PKN2: variants seen among roughly 807,000 people sequenced by gnomAD.
PKN2 encodes the protein protein kinase N2.
PKN2 carries 38 observed loss-of-function variants against 119.1 expected under a neutral mutation model. The ratio of observed to expected loss-of-function variants is 0.32; its 90% CI spans 0.25 to 0.42. PKN2 has a LOEUF of 0.42. Among genes scored for constraint, PKN2 ranks in the 10% least tolerant of loss-of-function variants. PKN2 has a pLI of 1.00. For missense variants in PKN2, 850 were observed against 1,165.1 expected (o/e 0.73, Z 3.94); for synonymous variants, 390 against 384.9 (o/e 1.01, Z -0.15).
intron 1 of PKN2, among the ~76,000 whole-genome samples, chr1:88,737,267 C>G (rs534803173): frequency 2.6e-5 from 4 of 152,074 alleles, no homozygotes; most frequent in African/African-American, 9.7e-5. Flanking sequence ...AGTGATGTAC[C>G]CCTGAGTCTA....
intron 1 of PKN2, among the ~76,000 whole-genome samples, chr1:88,688,000 C>A (rs1194492310): frequency 6.6e-6 from 1 of 152,100 alleles, no homozygotes; most frequent in Non-Finnish European, 1.5e-5. Context: ...GATCAGGAAA[C>A]AAGTTCAAGA....
rs201865794 is a variant in PKN2, at chr1:88,784,709, A to C, written c.1056A>C (p.Thr352=). ...LENVPGRSKA[T]SVALPGWSPS... ...ATGTCCCTGGACGGTCAAAAGCAACATCAGTTGCACTGCCTGGTTGGAGTC... is the reference window on the plus strand; with the variant it reads ...ATGTCCCTGGACGGTCAAAAGCAACCTCAGTTGCACTGCCTGGTTGGAGTC... Residue 352 remains threonine (T), a synonymous_variant, in exon 7 of 22, where the codon ACA becomes ACC. Coordinates refer to ENST00000370521, the MANE Select transcript of PKN2 (RefSeq NM_006256.4). The C allele has an allele frequency of 1.2e-6, 2 of 1,612,322 alleles. No homozygotes were observed. The highest frequency in any genetic ancestry group is 1.7e-4 in the Middle Eastern group (1 of 6,056).
At chr1:88,741,370 C>A in intron 2 of PKN2, 82 bp downstream of exon 2, 1 of 907,070 alleles carries the variant, frequency 1.1e-6, no homozygotes, top group Non-Finnish European at 1.5e-6. Flanking sequence ...AGTTTGGGGA[C>A]ATGAATAGTT....
intron 2 of PKN2, among the ~76,000 whole-genome samples, chr1:88,746,623 A>G (rs1026613237): frequency 3.9e-5 from 6 of 152,112 alleles, no homozygotes; most frequent in African/African-American, 1.4e-4. Context: ...TGGCAAGGAT[A>G]TGGAGAAAAG....
chr1:88,821,908 A>G (rs1306170671), intron 16 of PKN2, 33 bp from the exon 17 acceptor site: 10 of 1,508,818 alleles, frequency 6.6e-6, no homozygotes, highest in Non-Finnish European at 8.8e-6. Context: ...AATAAAATTT[A>G]TTAAACTCCT....
chr1:88,725,736 TG>T lies in PKN2; in HGVS notation c.49-15251del, dbSNP rs770345847. On this transcript the variant is annotated intron_variant, in intron 1 of 21. Transcript: ENST00000370521. ...AGTTTTACATTTTGATAAGTCCAATTGATCTTTTTTGTTTGTTTGCTTATTT... is the reference window on the plus strand; with the variant it reads ...AGTTTTACATTTTGATAAGTCCAATTATCTTTTTTGTTTGTTTGCTTATTT... 8.5e-5 allele frequency among the ~76,000 whole-genome samples: 13 copies of T among 152,308 alleles called. No homozygotes were observed. In the East Asian group the frequency reaches 2.3e-3, roughly 27 times the overall value.
chr1:88,781,406 A>G (rs1670337316), intron 6 of PKN2, among the ~76,000 whole-genome samples: 2 of 152,130 alleles, frequency 1.3e-5, no homozygotes, highest in Middle Eastern at 3.2e-3. Context: ...ATGATGAAAT[A>G]CTGAATTAGT....
intron 1 of PKN2, among the ~76,000 whole-genome samples, chr1:88,695,422 A>T (rs1314458533): frequency 6.6e-6 from 1 of 151,868 alleles, no homozygotes; most frequent in African/African-American, 2.4e-5. Flanking sequence ...TTATTATATC[A>T]ATTTGTGGTT....
chr1:88,743,194 A>T (rs1317559992), intron 2 of PKN2, among the ~76,000 whole-genome samples: 3 of 152,244 alleles, frequency 2.0e-5, no homozygotes, highest in Non-Finnish European at 4.4e-5. Context: ...TGTCTCAAAA[A>T]TAAAAGGTTT....
At chr1:88,813,339 A>C (rs1279115848) in intron 15 of PKN2, among the ~76,000 whole-genome samples, 2 of 152,202 alleles carry the variant, frequency 1.3e-5, no homozygotes, top group African/African-American at 4.8e-5. Context: ...TGTGAATGCT[A>C]TAATCTTTTA....
intron 2 of PKN2, among the ~76,000 whole-genome samples, chr1:88,743,514 A>G (rs1245309131): frequency 6.6e-6 from 1 of 152,212 alleles, no homozygotes; most frequent in Non-Finnish European, 1.5e-5. Flanking sequence ...ATTTTTAGGT[A>G]TTACCATAAA....
chr1:88,777,301 C>A (rs1342692656), intron 6 of PKN2, among the ~76,000 whole-genome samples: 1 of 152,050 alleles, frequency 6.6e-6, no homozygotes, highest in East Asian at 1.9e-4. Flanking sequence ...GTAGACACAT[C>A]ACTTTTCTTG....
At chr1:88,814,180 G>A (rs1054842667) in intron 16 of PKN2, among the ~76,000 whole-genome samples, 8 of 152,042 alleles carry the variant, frequency 5.3e-5, no homozygotes, top group East Asian at 1.9e-4. Context: ...AACTATTTGC[G>A]TCCTTGTGCG....
At chr1:88,792,451 G>A (rs1352509506) in intron 8 of PKN2, among the ~76,000 whole-genome samples, 12 of 151,942 alleles carry the variant, frequency 7.9e-5, no homozygotes, top group African/African-American at 2.9e-4. Flanking sequence ...TATTCCTCTG[G>A]GGCTATATGA....
chr1:88,700,716 A>C (rs1413839004), intron 1 of PKN2, among the ~76,000 whole-genome samples: 1 of 152,180 alleles, frequency 6.6e-6, no homozygotes, highest in East Asian at 1.9e-4. Flanking sequence ...TGTCACGTAA[A>C]ACTATGATCA....
At chr1:88,774,883 T>G (rs1407330371) in intron 6 of PKN2, among the ~76,000 whole-genome samples, 1 of 151,934 alleles carries the variant, frequency 6.6e-6, no homozygotes, top group East Asian at 1.9e-4. Context: ...TAATTTTTAG[T>G]TTTTTGCTAG....
At chr1:88,782,449 A>G (rs1336112364) in intron 6 of PKN2, among the ~76,000 whole-genome samples, 8 of 151,640 alleles carry the variant, frequency 5.3e-5, no homozygotes, top group Non-Finnish European at 1.0e-4. Context: ...AATTTCAGTT[A>G]CACATATATG....
At chr1:88,770,655 G>T (rs1232677559) in intron 4 of PKN2, among the ~76,000 whole-genome samples, 186 bp downstream of exon 4, 1 of 148,830 alleles carries the variant, frequency 6.7e-6, no homozygotes. Context: ...GCGGGATCTC[G>T]GCTCACTGCA....
At chr1:88,777,840 AAGACTGACTGAAC>A (rs1191667193) in intron 6 of PKN2, among the ~76,000 whole-genome samples, 1 of 152,160 alleles carries the variant, frequency 6.6e-6, no homozygotes, top group Non-Finnish European at 1.5e-5. Flanking sequence ...CAGAGACCTT[AAGACTGACTGAAC>A]AGACTCTTTC....
Sources: allele counts gnomAD v4.1 joint callset (sites outside exome capture counted in the v4.1 genomes callset), GRCh38; gene constraint gnomAD v4.1.1; transcripts MANE v1.5; gene names NCBI Gene and HGNC (gene_info 2026-07-23, HGNC 2026-07-21).